Variants in CDH2 observed in about 807,000 individuals in gnomAD.
CDH2 encodes cadherin-2.
CDH2 carries 17 observed loss-of-function variants against 92.0 expected under a neutral mutation model. That is an observed-to-expected ratio of 0.18 (90% CI 0.13 to 0.28). CDH2 has a LOEUF of 0.28. Among genes scored for constraint, CDH2 ranks in the 10% least tolerant of loss-of-function variants. The pLI is 1.00. For synonymous variants in CDH2, 419 were observed against 415.9 expected, an observed-to-expected ratio of 1.01 and a Z score of -0.09; for missense variants, 862 against 1,133.1, an observed-to-expected ratio of 0.76 and a Z score of 3.44.
At chr18:28,064,773 A>G (rs796344117) in intron 2 of CDH2, among the ~76,000 whole-genome samples, 1 of 152,078 alleles carries the variant, frequency 6.6e-6, no homozygotes, top group Non-Finnish European at 1.5e-5. Flanking sequence ...GCCTTGAGAG[A>G]ATCAGGTCCC....
chr18:27,955,357 AAAGTAT>A (rs1254601830), intron 15 of CDH2, among the ~76,000 whole-genome samples: 3 of 145,556 alleles, frequency 2.1e-5, no homozygotes, highest in Non-Finnish European at 4.5e-5. Flanking sequence ...CTCAGAATTT[AAAGTAT>A]AATAGTAAAA....
At chr18:28,132,549 T>A (rs1568010837) in intron 2 of CDH2, among the ~76,000 whole-genome samples, 1 of 151,892 alleles carries the variant, frequency 6.6e-6, no homozygotes, top group Non-Finnish European at 1.5e-5. Context: ...GAGCAACAAT[T>A]CCCTAAATGT....
chr18:27,992,048 C>A (rs2143973780), intron 9 of CDH2, among the ~76,000 whole-genome samples: 1 of 152,274 alleles, frequency 6.6e-6, no homozygotes, highest in South Asian at 2.1e-4. Flanking sequence ...GAATACATTT[C>A]TTAACGTCTC....
In CDH2 at chr18:27,963,388, T is replaced by G; in HGVS notation, c.2483A>C (p.His828Pro). The G allele has an allele frequency of 6.2e-7, 1 of 1,613,868 alleles. No individual in the cohort carries two copies. Among genetic ancestry groups the G allele is most frequent in the Non-Finnish European group, 8.5e-7 (1 of 1,179,978 alleles). ...PQYPVRSAAP[H>P]PGDIGDFINE... ...AATGAAGTCCCCAATGTCTCCAGGGTGTGGGGCTGCAGATCGGACCGGATA... is the reference window on the plus strand; with the variant it reads ...AATGAAGTCCCCAATGTCTCCAGGGGGTGGGGCTGCAGATCGGACCGGATA... Residue 828 changes from histidine (H) to proline (P), a missense_variant, in exon 15 of 16, where the codon CAC becomes CCC. Coordinates refer to ENST00000269141, the MANE Select transcript of CDH2 (RefSeq NM_001792.5).
intron 2 of CDH2, among the ~76,000 whole-genome samples, chr18:28,094,019 T>C (rs2015082621): frequency 6.6e-6 from 1 of 152,154 alleles, no homozygotes; most frequent in Admixed American, 6.5e-5. Context: ...TTGGAGCACA[T>C]TAAAAACTTA....
chr18:28,168,974 C>T (rs1475698311), intron 1 of CDH2, among the ~76,000 whole-genome samples: 1 of 152,062 alleles, frequency 6.6e-6, no homozygotes, highest in Non-Finnish European at 1.5e-5. Flanking sequence ...TGGTTTTATT[C>T]TGGATTCTCA....
intron 7 of CDH2, 26 bp from the exon 8 acceptor site, chr18:27,993,663 TAAATG>T: frequency 6.6e-7 from 1 of 1,520,858 alleles, no homozygotes. Context: ...GATAAGAACT[TAAATG>T]AAACTAATTC....
chr18:28,027,773 A>G (rs913604008), intron 2 of CDH2, among the ~76,000 whole-genome samples: 2 of 151,982 alleles, frequency 1.3e-5, no homozygotes, highest in African/African-American at 2.4e-5. Context: ...AAATATTTCA[A>G]TGAAAACTCT....
rs142756524 is a variant in CDH2, at chr18:28,043,301, C to T, written c.173-29392G>A. On this transcript the variant is annotated intron_variant, in intron 2 of 15. Coordinates refer to ENST00000269141, the MANE Select transcript of CDH2 (RefSeq NM_001792.5). The stretch of plus-strand genomic sequence containing the variant: ...TAATATAATGGACTTTGGGGACTCA[C>T]GGGGAAGGGTGGGAGGCGGGTGAAG... Among the ~76,000 whole-genome samples, 36 of 151,078 alleles carry T rather than the reference C, an allele frequency of 2.4e-4. No homozygotes were observed. The South Asian group carries it at 4.6e-3, about 19-fold the overall frequency.
At chr18:28,025,322 A>G (rs2013521254) in intron 2 of CDH2, among the ~76,000 whole-genome samples, 1 of 152,088 alleles carries the variant, frequency 6.6e-6, no homozygotes, top group South Asian at 2.1e-4. Flanking sequence ...GTTCGAGACC[A>G]GCCTGGGCAA....
At chr18:28,042,205 T>C (rs1219522318) in intron 2 of CDH2, among the ~76,000 whole-genome samples, 1 of 152,186 alleles carries the variant, frequency 6.6e-6, no homozygotes, top group Non-Finnish European at 1.5e-5. Context: ...ACTAGAACCA[T>C]TTATTTTGCT....
chr18:28,015,983 A>C (rs2013234943), intron 2 of CDH2, among the ~76,000 whole-genome samples: 2 of 152,170 alleles, frequency 1.3e-5, no homozygotes, highest in Non-Finnish European at 2.9e-5. Context: ...GCTCCACCCC[A>C]CAGGCTCAAA....
intron 2 of CDH2, among the ~76,000 whole-genome samples, chr18:28,079,701 C>T (rs1567990195): frequency 6.6e-6 from 1 of 152,176 alleles, no homozygotes; most frequent in African/African-American, 2.4e-5. Context: ...AGGGGAGAGC[C>T]CTGTTAAGCA....
chr18:28,163,349 T>G (rs1328376477), intron 1 of CDH2, among the ~76,000 whole-genome samples: 2 of 152,224 alleles, frequency 1.3e-5, no homozygotes, highest in African/African-American at 4.8e-5. Flanking sequence ...ATCTAGCAAT[T>G]CTACTCCTTG....
chr18:28,146,729 A>T (rs1451257548), intron 2 of CDH2: 1 of 152,126 alleles, frequency 6.6e-6, no homozygotes. Flanking sequence ...CTGTGGAGAC[A>T]CTTCAATTAA....
At chr18:27,933,939 T>G (rs1908962927) in intron 6 of CDH2, among the ~76,000 whole-genome samples, 1 of 152,214 alleles carries the variant, frequency 6.6e-6, no homozygotes, top group Admixed American at 6.5e-5. Context: ...ATTGAAGAGC[T>G]TATTTGAGAT....
At chr18:28,073,624 G>T (rs1331488704) in intron 2 of CDH2, among the ~76,000 whole-genome samples, 1 of 152,152 alleles carries the variant, frequency 6.6e-6, no homozygotes, top group Non-Finnish European at 1.5e-5. Context: ...ACTCTGCTGA[G>T]ATTATTGTAA....
chr18:28,133,402 T>C (rs2015806085), intron 2 of CDH2, among the ~76,000 whole-genome samples: 2 of 151,406 alleles, frequency 1.3e-5, no homozygotes, highest in Admixed American at 6.6e-5. Flanking sequence ...GCTAACACAG[T>C]GAAACTCCGT....
Position 28,093,220 on chromosome 18 carries a change from T to C in CDH2, c.172+54453A>G, listed in dbSNP as rs1040694750. 6.6e-5 allele frequency among the ~76,000 whole-genome samples: 10 copies of C among 152,304 alleles called. No individual in the cohort carries two copies. The South Asian group carries it at 1.4e-3, about 22-fold the overall frequency. ...ATAGCTATACAGATAGATGGATATA[T>C]ACACACACAAAATCTGGCATTTCAG... is the stretch of plus-strand genomic sequence containing the variant. On this transcript the variant is annotated intron_variant, in intron 2 of 15. Coordinates refer to ENST00000269141, the MANE Select transcript of CDH2 (RefSeq NM_001792.5).
Sources: gnomAD v4.1 joint callset for allele counts (sites outside exome capture counted in the v4.1 genomes callset) on GRCh38, gnomAD v4.1.1 for gene constraint, MANE v1.5 for transcripts, NCBI Gene and HGNC (gene_info 2026-07-23, HGNC 2026-07-21) for gene names.